Variants in PARP16 observed in about 807,000 individuals in gnomAD.
PARP16 encodes protein mono-ADP-ribosyltransferase PARP16.
Under a neutral mutation model 35.0 loss-of-function variants are expected in PARP16, and 31 were observed. That is an observed-to-expected ratio of 0.88 (90% confidence interval 0.66 to 1.19). The LOEUF (loss-of-function observed/expected upper bound fraction) is 1.19, where lower values mean the gene tolerates loss of function less well. PARP16 is among the 50% of genes most tolerant of loss of function. The probability of loss-of-function intolerance (pLI) is 0.00; values close to 1 mark genes in which losing one functional copy is unlikely to be tolerated. For synonymous variants in PARP16, 162 were observed against 169.5 expected (o/e 0.96, Z 0.34); for missense variants, 424 against 411.2 (o/e 1.03, Z -0.27).
intron 2 of PARP16, among the ~76,000 whole-genome samples, chr15:65,267,573 C>T (rs1260489002): frequency 7.4e-6 from 1 of 134,642 alleles, no homozygotes; most frequent in African/African-American, 2.9e-5. Flanking sequence ...CGCCACTGCA[C>T]TCCAGCCTGG....
At chr15:65,242,424 AC>A in intron 3 of PARP16, among the ~76,000 whole-genome samples, 1 of 152,100 alleles carries the variant, frequency 6.6e-6, no homozygotes, top group East Asian at 1.9e-4. Flanking sequence ...TGCAATTTTG[AC>A]AGGAATTATT....
chr15:65,250,811 A>G (rs1162261158), intron 2 of PARP16, among the ~76,000 whole-genome samples: 1 of 152,026 alleles, frequency 6.6e-6, no homozygotes, highest in Non-Finnish European at 1.5e-5. Flanking sequence ...GCCCCTTGAG[A>G]CTGAGGCTGC....
At chr15:65,282,125 C>G (rs1186811283) in intron 1 of PARP16, among the ~76,000 whole-genome samples, 1 of 152,176 alleles carries the variant, frequency 6.6e-6, no homozygotes, top group Non-Finnish European at 1.5e-5. Flanking sequence ...AACCTCCGAC[C>G]TCAGCCTCCC....
At chr15:65,233,922 T>C (rs1344977258), downstream of PARP16, among the ~76,000 whole-genome samples, 3 of 152,166 alleles carry the variant, frequency 2.0e-5, no homozygotes, top group African/African-American at 7.2e-5. Context: ...AAAAAAATTT[T>C]TTTTCTTTTA....
At chr15:65,259,775 G>A (rs899091260) in intron 5 of PARP16, among the ~76,000 whole-genome samples, 1 of 152,174 alleles carries the variant, frequency 6.6e-6, no homozygotes, top group Non-Finnish European at 1.5e-5. Context: ...TATGCAATGA[G>A]CTCATCCTGA....
intron 2 of PARP16, among the ~76,000 whole-genome samples, chr15:65,270,189 G>GA (rs1225462335): frequency 1.4e-4 from 21 of 152,284 alleles, no homozygotes; most frequent in Admixed American, 3.9e-4. Context: ...ACCAGAGCAG[G>GA]AATCAAGTCC....
intron 3 of PARP16, among the ~76,000 whole-genome samples, chr15:65,241,998 T>C (rs919765164): frequency 3.3e-5 from 5 of 152,208 alleles, no homozygotes; most frequent in African/African-American, 1.2e-4. Context: ...AGTTGTATAG[T>C]TTTTGCTCTT....
Position 65,240,310 on chromosome 15 carries a change from G to GTGT in PARP16, c.*98-5488_*98-5487insACA, listed in dbSNP as rs61177378. Among the ~76,000 whole-genome samples, 648 of 118,362 alleles carry GTGT rather than the reference G, an allele frequency of 5.5e-3. 10 individuals carry two copies. Among genetic ancestry groups the GTGT allele is most frequent in the Admixed American group, 7.0e-3 (83 of 11,862 alleles). The allele number at this position is 118,362 out of a possible 152,430, so 77.7% of individuals were successfully genotyped here. On this transcript the variant is annotated intron_variant and NMD_transcript_variant, in intron 3 of 3. Coordinates refer to the PARP16 transcript ENST00000559805. ...ACGCCTGGCTAGTGTGTGTGTGTGT[G>GTGT]GTGGGGGGGGCTAGTGTGTGTGTGT... is the stretch of plus-strand genomic sequence containing the variant.
At chr15:65,242,624 GT>G (rs2089109507) in intron 3 of PARP16, among the ~76,000 whole-genome samples, 1 of 152,022 alleles carries the variant, frequency 6.6e-6, no homozygotes, top group African/African-American at 2.4e-5. Flanking sequence ...ATTTCCAAGT[GT>G]TTTTTGCTTA....
chr15:65,265,868 G>C (rs976731820), intron 3 of PARP16, among the ~76,000 whole-genome samples: 2 of 152,226 alleles, frequency 1.3e-5, no homozygotes, highest in African/African-American at 4.8e-5. Context: ...TCCACTCGGA[G>C]ATTCTCATTT....
chr15:65,277,806 GA>G (rs1192775699), intron 1 of PARP16, among the ~76,000 whole-genome samples: 1 of 152,228 alleles, frequency 6.6e-6, no homozygotes, highest in Non-Finnish European at 1.5e-5. Context: ...TATGATATTG[GA>G]ATTCCCCCCA....
chr15:65,235,275 T>C (rs1199318747), intron 3 of PARP16, among the ~76,000 whole-genome samples: 1 of 151,636 alleles, frequency 6.6e-6, no homozygotes, highest in Non-Finnish European at 1.5e-5. Flanking sequence ...CCACTGCACT[T>C]CAGCCTGGGC....
chr15:65,272,246 T>C (rs2090119297), intron 1 of PARP16, among the ~76,000 whole-genome samples: 1 of 152,226 alleles, frequency 6.6e-6, no homozygotes, highest in Non-Finnish European at 1.5e-5. Flanking sequence ...GCCTTTGGAT[T>C]TAGGCTGATG....
At chr15:65,242,864 G>A (rs2089115163) in intron 3 of PARP16, among the ~76,000 whole-genome samples, 1 of 151,786 alleles carries the variant, frequency 6.6e-6, no homozygotes, top group Non-Finnish European at 1.5e-5. Context: ...ACAGGTGCCT[G>A]CCACCACTCC....
intron 1 of PARP16, among the ~76,000 whole-genome samples, chr15:65,272,643 C>T (rs2090128827): frequency 6.6e-6 from 1 of 152,170 alleles, no homozygotes; most frequent in Non-Finnish European, 1.5e-5. Context: ...CCCATTGCCC[C>T]AGTTCTCCCT....
In PARP16 at chr15:65,286,750, A is replaced by C; in HGVS notation, c.-324T>G. On this transcript the variant is annotated 5_prime_UTR_variant, in exon 1 of 6. Transcript: ENST00000649807. ...CCGGCCTAGGGGAAGGGCTATGACA[A>C]TGGAATGACAACCGCGGGAACGTGC... 2.7e-5 allele frequency: 8 copies of C among 298,910 alleles called. No individual in the cohort carries two copies. Among genetic ancestry groups the C allele is most frequent in the East Asian group, 5.5e-5 (1 of 18,312 alleles). The allele number at this position is 298,910 out of a possible 1,614,324, so 18.5% of individuals were successfully genotyped here.
intron 2 of PARP16, among the ~76,000 whole-genome samples, chr15:65,269,816 A>G (rs1277593292): frequency 6.6e-6 from 1 of 152,218 alleles, no homozygotes; most frequent in Non-Finnish European, 1.5e-5. Flanking sequence ...AAAGTCTAGG[A>G]GCTATTTATT....
At chr15:65,262,547 G>A (rs958230895) in intron 4 of PARP16, among the ~76,000 whole-genome samples, 1 of 152,172 alleles carries the variant, frequency 6.6e-6, no homozygotes, top group Non-Finnish European at 1.5e-5. Flanking sequence ...ACACAGTAGG[G>A]GAGTGGGATG....
rs754672714 is a variant in PARP16, at chr15:65,260,884, C to T, written c.833+1G>A. 1 of 1,613,622 alleles carries T rather than the reference C, an allele frequency of 6.2e-7. No homozygotes were observed. The highest frequency in any genetic ancestry group is 1.1e-5 in the South Asian group (1 of 90,984). On this transcript the variant is annotated splice_donor_variant, in intron 5 of 5. Coordinates refer to ENST00000649807, the MANE Select transcript of PARP16 (RefSeq NM_001316943.2). LOFTEE classifies it high-confidence loss of function. Reference sequence around the variant, plus strand: ...CCATTAGTTGTTCTCTTGGACCTTACCTCTTGGGTGGCTTCTGTGAATACA... The same window carrying T: ...CCATTAGTTGTTCTCTTGGACCTTATCTCTTGGGTGGCTTCTGTGAATACA...
Sources: allele counts gnomAD v4.1 joint callset (sites outside exome capture counted in the v4.1 genomes callset), GRCh38; gene constraint gnomAD v4.1.1; transcripts MANE v1.5; gene names NCBI Gene and HGNC (gene_info 2026-07-23, HGNC 2026-07-21).